The following TMCO4 variants were observed in gnomAD, a reference collection of about 807,000 sequenced individuals.
TMCO4 encodes the protein transmembrane and coiled-coil domain-containing protein 4.
Under a neutral mutation model 64.7 loss-of-function variants are expected in TMCO4, and 58 were observed. That is an observed-to-expected ratio of 0.90 (90% CI 0.73 to 1.12). TMCO4 has a LOEUF of 1.12. Among genes scored for constraint, TMCO4 ranks in the 50% most tolerant of loss-of-function variants. The pLI, the probability that TMCO4 is intolerant of heterozygous loss-of-function variation, is 0.00. For synonymous variants in TMCO4, 325 were observed against 346.1 expected (o/e 0.94, Z 0.68); for missense variants, 780 against 825.9 (o/e 0.94, Z 0.68).
intron 13 of TMCO4, among the ~76,000 whole-genome samples, chr1:19,712,351 T>G (rs1321049275): frequency 1.3e-5 from 2 of 152,192 alleles, no homozygotes; most frequent in African/African-American, 4.8e-5. Flanking sequence ...CTGGGTGCAG[T>G]GGCTCTCACC....
Position 19,700,731 on chromosome 1 carries a change from A to G in TMCO4, c.1382+37T>C, listed in dbSNP as rs1376562934. ...TGGGCATACTAAGTGCTCCGTAAGCATTGTCACTTCCCCGCTGGCACGAGG... is the reference window on the plus strand; with the variant it reads ...TGGGCATACTAAGTGCTCCGTAAGCGTTGTCACTTCCCCGCTGGCACGAGG... On this transcript the variant is annotated intron_variant, in intron 14 of 15. Transcript: ENST00000294543. 4 of 1,553,810 alleles carry G rather than the reference A, an allele frequency of 2.6e-6. No individual in the cohort carries two copies. In the South Asian group the frequency reaches 4.5e-5, roughly 17 times the overall value.
intron 6 of TMCO4, among the ~76,000 whole-genome samples, chr1:19,769,209 T>C (rs892871639): frequency 2.0e-5 from 3 of 152,184 alleles, no homozygotes; most frequent in African/African-American, 7.2e-5. Context: ...GCCAGACCAC[T>C]AGAATCTGAG....
intron 6 of TMCO4, among the ~76,000 whole-genome samples, chr1:19,767,580 G>A (rs937691409): frequency 6.6e-6 from 1 of 152,190 alleles, no homozygotes; most frequent in African/African-American, 2.4e-5. Context: ...GAAAGAGGTG[G>A]TGGGATGCAT....
At chr1:19,777,508 C>T (rs145128970) in intron 4 of TMCO4, among the ~76,000 whole-genome samples, 37 of 152,266 alleles carry the variant, frequency 2.4e-4, no homozygotes, top group African/African-American at 8.9e-4. Flanking sequence ...CCACTCACGT[C>T]TGGCTAATTT....
rs1043123889 is a variant in TMCO4, at chr1:19,740,370, G to C, written c.1042+407C>G. Among the ~76,000 whole-genome samples the C allele has an allele frequency of 2.0e-5, 3 of 152,310 alleles. No homozygotes were observed. The South Asian group carries it at 6.2e-4, about 32-fold the overall frequency. On this transcript the variant is annotated intron_variant, in intron 11 of 15. Coordinates refer to ENST00000294543, the MANE Select transcript of TMCO4 (RefSeq NM_181719.7). ...TCTTGCGCTTCTATCATTGACATGG[G>C]CTTGCCTGCTCATCCCAGGAGGATG...
chr1:19,722,919 C>T (rs971357456), intron 13 of TMCO4, among the ~76,000 whole-genome samples: 3 of 152,108 alleles, frequency 2.0e-5, no homozygotes, highest in African/African-American at 7.2e-5. Flanking sequence ...CTTCCCAGGC[C>T]TCCTCCTATT....
chr1:19,757,967 G>A (rs765735426), intron 6 of TMCO4, among the ~76,000 whole-genome samples: 7 of 152,148 alleles, frequency 4.6e-5, no homozygotes, highest in Non-Finnish European at 1.0e-4. Flanking sequence ...TGTGTGCCCT[G>A]GCCCTGTGAA....
intron 13 of TMCO4, among the ~76,000 whole-genome samples, chr1:19,707,960 A>C (rs961860896): frequency 1.3e-5 from 2 of 152,192 alleles, no homozygotes; most frequent in Non-Finnish European, 2.9e-5. Context: ...TCATGAGAAC[A>C]GCATGGGGAA....
At chr1:19,755,608 T>C (rs2042211995) in intron 7 of TMCO4, 26 bp downstream of exon 7, 3 of 1,612,860 alleles carry the variant, frequency 1.9e-6, no homozygotes, top group Non-Finnish European at 1.7e-6. Context: ...CCTTGGATCC[T>C]GATGGGGGTC....
chr1:19,752,297 T>C (rs2042054192), intron 7 of TMCO4, among the ~76,000 whole-genome samples: 1 of 152,142 alleles, frequency 6.6e-6, no homozygotes, highest in South Asian at 2.1e-4. Context: ...GCTGATTAGA[T>C]ATGACAGCAA....
intron 15 of TMCO4, among the ~76,000 whole-genome samples, chr1:19,692,283 A>G (rs2100558226): frequency 6.6e-6 from 1 of 152,130 alleles, no homozygotes; most frequent in Middle Eastern, 3.4e-3. Context: ...CACCTCTCCC[A>G]CTGGTTCTCA....
chr1:19,691,637 A>G (rs1030002821), intron 15 of TMCO4, among the ~76,000 whole-genome samples: 1 of 152,126 alleles, frequency 6.6e-6, no homozygotes, highest in African/African-American at 2.4e-5. Context: ...GCTGATCCTG[A>G]ATGGGGAAGC....
intron 6 of TMCO4, among the ~76,000 whole-genome samples, chr1:19,758,701 C>T (rs2042371680): frequency 6.6e-6 from 1 of 152,182 alleles, no homozygotes; most frequent in Admixed American, 6.5e-5. Flanking sequence ...TAGGGAGGGG[C>T]AGAGTCCTGG....
chr1:19,689,484 C>T (rs2095175455), intron 15 of TMCO4, among the ~76,000 whole-genome samples: 1 of 152,124 alleles, frequency 6.6e-6, no homozygotes, highest in Non-Finnish European at 1.5e-5. Flanking sequence ...ACATGCGCTG[C>T]CCTGGAAGTT....
chr1:19,691,020 C>T (rs562003781), intron 15 of TMCO4, among the ~76,000 whole-genome samples: 6 of 152,068 alleles, frequency 3.9e-5, no homozygotes, highest in East Asian at 3.9e-4. Flanking sequence ...AGGTGCCCAC[C>T]GCCACACCTG....
chr1:19,756,922 T>C (rs534458379), intron 6 of TMCO4, among the ~76,000 whole-genome samples: 47 of 152,264 alleles, frequency 3.1e-4, no homozygotes, highest in African/African-American at 1.1e-3. Context: ...TGAAACAAAA[T>C]TTTTAATGCA....
At chr1:19,713,959 C>A (rs568591763) in intron 13 of TMCO4, among the ~76,000 whole-genome samples, 1 of 152,122 alleles carries the variant, frequency 6.6e-6, no homozygotes, top group Admixed American at 6.5e-5. Context: ...ATTTTTGAGA[C>A]AGAGTCTCTC....
At chr1:19,708,945 G>A (rs910552264) in intron 13 of TMCO4, among the ~76,000 whole-genome samples, 4 of 152,264 alleles carry the variant, frequency 2.6e-5, no homozygotes, top group Admixed American at 1.3e-4. Context: ...TCCTGACTGC[G>A]GGTCCAGTAA....
rs115421149 is a variant in TMCO4 at position 19,715,112 on chromosome 1, C to T, written c.1265-14227G>A. 1.5e-3 allele frequency among the ~76,000 whole-genome samples: 226 copies of T among 152,200 alleles called. 1 individual carries two copies. The highest frequency in any genetic ancestry group is 4.1e-3 in the African/African-American group (169 of 41,548). ...TTTGAAAATTAGCCAGGCACACCTA[C>T]AGTTCCAGCTACTTGGGGGTGCTGA... On this transcript the variant is annotated intron_variant, in intron 13 of 15. Coordinates refer to ENST00000294543, the MANE Select transcript of TMCO4 (RefSeq NM_181719.7).
Sources: gnomAD v4.1 joint callset for allele counts (sites outside exome capture counted in the v4.1 genomes callset) on GRCh38, gnomAD v4.1.1 for gene constraint, MANE v1.5 for transcripts, NCBI Gene and HGNC (gene_info 2026-07-23, HGNC 2026-07-21) for gene names.